The following IQCH variants were observed in gnomAD, a reference collection of about 807,000 sequenced individuals.
IQCH encodes IQ motif containing H.
A neutral mutation model predicts 117.0 loss-of-function variants in IQCH; 98 were observed. The ratio of observed to expected loss-of-function variants is 0.84; its 90% CI spans 0.71 to 0.99. The LOEUF is 0.99. Among genes scored for constraint, IQCH ranks in the 50% least tolerant of loss-of-function variants. The pLI is 0.00. For synonymous variants in IQCH, 412 were observed against 448.2 expected (o/e 0.92, Z 1.02); for missense variants, 1,102 against 1,243.8 (o/e 0.89, Z 1.72).
In IQCH at chr15:67,393,387, T is replaced by A. The variant is rs183250146; in HGVS notation, c.1633-1904T>A. Among the ~76,000 whole-genome samples, 5 of 152,350 alleles carry A rather than the reference T, an allele frequency of 3.3e-5. No homozygotes were observed. Among genetic ancestry groups the A allele is most frequent in the African/African-American group, 1.2e-4 (5 of 41,576 alleles). On this transcript the variant is annotated intron_variant, in intron 12 of 20. Coordinates refer to ENST00000335894, the MANE Select transcript of IQCH (RefSeq NM_001031715.3). The surrounding 1 kb of genome is among the most constrained non-coding windows in gnomAD (Gnocchi z 5.5). ...ATCACTTAGCATTTCTCCATATTTT[T>A]ATGCTGCAGTGAGTAGATAATTTTT...
chr15:67,426,357 G>C lies in IQCH; in HGVS notation c.2505+4780G>C, dbSNP rs1269900116. ...TTATATTATAAAACCATGAGTTCCTGCCAGCATCTCCAATTTCAATCCAGC... is the reference window on the plus strand; with the variant it reads ...TTATATTATAAAACCATGAGTTCCTCCCAGCATCTCCAATTTCAATCCAGC... On this transcript the variant is annotated intron_variant, in intron 16 of 20. Coordinates refer to ENST00000335894, the MANE Select transcript of IQCH (RefSeq NM_001031715.3). The surrounding 1 kb of genome is among the most constrained non-coding windows in gnomAD (Gnocchi z 5.1). Among the ~76,000 whole-genome samples the C allele has an allele frequency of 6.6e-6, 1 of 152,008 alleles. No individual in the cohort carries two copies. The highest frequency in any genetic ancestry group is 1.5e-5 in the Non-Finnish European group (1 of 68,018).
At chr15:67,429,754 C>T (rs990794632) in intron 16 of IQCH, among the ~76,000 whole-genome samples, 19 of 152,058 alleles carry the variant, frequency 1.2e-4, no homozygotes, top group South Asian at 4.1e-4. Flanking sequence ...ACCATGCTGA[C>T]GCAGGAGGGG....
intron 16 of IQCH, among the ~76,000 whole-genome samples, chr15:67,446,285 C>T (rs1240090055): frequency 1.3e-5 from 2 of 152,134 alleles, no homozygotes; most frequent in Non-Finnish European, 2.9e-5. Context: ...GTATTTAATG[C>T]TTAGCAGATA....
chr15:67,489,381 A>C (rs1396590162), intron 18 of IQCH, among the ~76,000 whole-genome samples: 3 of 151,856 alleles, frequency 2.0e-5, no homozygotes, highest in Admixed American at 2.0e-4. Flanking sequence ...GCTGGAGTGC[A>C]ATGGCGTGAC....
intron 6 of IQCH, among the ~76,000 whole-genome samples, chr15:67,346,043 A>G (rs1379522868): frequency 1.3e-5 from 2 of 152,138 alleles, no homozygotes; most frequent in African/African-American, 4.8e-5. Flanking sequence ...GTAAATTAAA[A>G]ATTAATAAAA....
At chr15:67,340,382 G>A (rs937924342) in intron 5 of IQCH, among the ~76,000 whole-genome samples, 4 of 119,712 alleles carry the variant, frequency 3.3e-5, no homozygotes, top group Admixed American at 1.2e-4. Flanking sequence ...AATCAAGATC[G>A]TGACACTGCA....
At chr15:67,462,681 T>G (rs1421269847) in intron 16 of IQCH, among the ~76,000 whole-genome samples, 2 of 152,052 alleles carry the variant, frequency 1.3e-5, no homozygotes, top group Admixed American at 1.3e-4. Context: ...CCTATTAAAA[T>G]CCTTATTACC....
chr15:67,451,765 T>G (rs1424101729), intron 16 of IQCH, among the ~76,000 whole-genome samples: 6 of 152,172 alleles, frequency 3.9e-5, no homozygotes, highest in Non-Finnish European at 8.8e-5. Flanking sequence ...CTGAGTTCAA[T>G]TCCTGGGTGT....
At chr15:67,397,274 G>A (rs1314948376) in intron 13 of IQCH, among the ~76,000 whole-genome samples, 1 of 152,110 alleles carries the variant, frequency 6.6e-6, no homozygotes, top group African/African-American at 2.4e-5. Context: ...TTTCAGAACC[G>A]CATATGTTGA....
chr15:67,372,776 C>A, intron 9 of IQCH, 114 bp downstream of exon 9: 1 of 839,080 alleles, frequency 1.2e-6, no homozygotes, highest in Non-Finnish European at 1.9e-6. Context: ...ACTCTCCTTG[C>A]CTCAGACTCC....
At chr15:67,377,078 C>G (rs1053613351) in intron 10 of IQCH, among the ~76,000 whole-genome samples, 1 of 144,612 alleles carries the variant, frequency 6.9e-6, no homozygotes, top group African/African-American at 2.6e-5. Context: ...GATCACGCCA[C>G]TGCACTCTAG....
rs920494134 is a variant in IQCH at position 67,407,542 on chromosome 15, C to T, written c.2097+7237C>T. ...CCCAAGTGAAATGAAAGCCAGGGTA[C>T]CCCTTCTGAGGACCTATAATAATCA... is the stretch of plus-strand genomic sequence containing the variant. On this transcript the variant is annotated intron_variant, in intron 14 of 20. Coordinates refer to ENST00000335894, the MANE Select transcript of IQCH (RefSeq NM_001031715.3). The surrounding 1 kb of genome is among the most constrained non-coding windows in gnomAD (Gnocchi z 5.3). 5.3e-5 allele frequency: 8 copies of T among 152,172 alleles called. No homozygotes were observed. The highest frequency in any genetic ancestry group is 1.9e-4 in the African/African-American group (8 of 41,438). 9.4% of individuals were successfully genotyped at this position (152,172 alleles called of 1,614,324 possible).
At chr15:67,327,212 C>G (rs1968450944) in intron 4 of IQCH, among the ~76,000 whole-genome samples, 1 of 152,122 alleles carries the variant, frequency 6.6e-6, no homozygotes, top group Non-Finnish European at 1.5e-5. Context: ...AATTCAGAGA[C>G]AAAATCAAGT....
Position 67,416,797 on chromosome 15 carries a change from A to G in IQCH, c.2098-134A>G, listed in dbSNP as rs1650880943. The G allele has an allele frequency of 8.5e-6, 5 of 585,494 alleles. No homozygotes were observed. Among genetic ancestry groups the G allele is most frequent in the Non-Finnish European group, 1.3e-5 (5 of 374,254 alleles). The allele number at this position is 585,494 out of a possible 1,614,324, so 36.3% of individuals were successfully genotyped here. On this transcript the variant is annotated intron_variant, in intron 14 of 20. Transcript: ENST00000335894. The surrounding 1 kb of genome is among the most constrained non-coding windows in gnomAD (Gnocchi z 5.1). ...TGAAAAAAGAGAGAACATTTTCAAA[A>G]TGGCTTTCTGACTCTGGGTAAACAG...
chr15:67,295,282 T>C (rs2140513050), intron 4 of IQCH, among the ~76,000 whole-genome samples: 1 of 152,340 alleles, frequency 6.6e-6, no homozygotes, highest in Non-Finnish European at 1.5e-5. Flanking sequence ...TTTGATCTTT[T>C]TAGCTAGAAA....
chr15:67,274,406 C>T (rs1204192489), intron 3 of IQCH, among the ~76,000 whole-genome samples: 4 of 152,156 alleles, frequency 2.6e-5, no homozygotes, highest in Non-Finnish European at 4.4e-5. Flanking sequence ...TGTCCTGAAG[C>T]TCACTGATTC....
At position 67,493,808 on chromosome 15, in the gene IQCH, C is replaced by A. The variant is rs1207987901; in HGVS notation, c.2862-450C>A. 6.6e-6 allele frequency among the ~76,000 whole-genome samples: 1 copy of A among 152,176 alleles called. No homozygotes were observed. The highest frequency in any genetic ancestry group is 1.5e-5 in the Non-Finnish European group (1 of 68,032). Reference sequence around the variant, plus strand: ...TATCTCCTAATGCTATTCCTCTCCCCTCCCCTCACCCCACGACAGGCCCCG... The same window carrying A: ...TATCTCCTAATGCTATTCCTCTCCCATCCCCTCACCCCACGACAGGCCCCG... On this transcript the variant is annotated intron_variant, in intron 19 of 20. Transcript: ENST00000335894. This position sits in a 1 kb window ranked among gnomAD's most constrained non-coding sequence, Gnocchi z 5.1.
At position 67,458,272 on chromosome 15, in the gene IQCH, A is replaced by G. The variant is rs1208245866; in HGVS notation, c.2506-6855A>G. On this transcript the variant is annotated intron_variant, in intron 16 of 20. Transcript: ENST00000335894. The surrounding 1 kb of genome is among the most constrained non-coding windows in gnomAD (Gnocchi z 4.1). ...TGCCCCAGTGGGAAATGGTAATGCTATTCTTCCATTTTCTTCAGGGTGGAA... is the reference window on the plus strand; with the variant it reads ...TGCCCCAGTGGGAAATGGTAATGCTGTTCTTCCATTTTCTTCAGGGTGGAA... 6.6e-6 allele frequency among the ~76,000 whole-genome samples: 1 copy of G among 152,212 alleles called. No individual in the cohort carries two copies. The highest frequency in any genetic ancestry group is 1.5e-5 in the Non-Finnish European group (1 of 68,036).
rs1463598787 is a variant in IQCH at position 67,371,674 on chromosome 15, T to C, written c.754-437T>C. On this transcript the variant is annotated intron_variant, in intron 8 of 20. Coordinates refer to ENST00000335894, the MANE Select transcript of IQCH (RefSeq NM_001031715.3). ...TTTTTAACGGGCACATTTGAAGTTA[T>C]CCTAAGGAATGCGAAGAAAGGCTTC... 8 of 562,494 alleles carry C rather than the reference T, an allele frequency of 1.4e-5. No homozygotes were observed. The African/African-American group carries it at 1.6e-4, about 11-fold the overall frequency. 34.8% of individuals were successfully genotyped at this position (562,494 alleles called of 1,614,324 possible).
Sources: allele counts gnomAD v4.1 joint callset (sites outside exome capture counted in the v4.1 genomes callset), GRCh38; gene constraint gnomAD v4.1.1; non-coding constraint Gnocchi (gnomAD v3.1); transcripts MANE v1.5; gene names NCBI Gene and HGNC (gene_info 2026-07-23, HGNC 2026-07-21).